MLIP: variants seen among roughly 807,000 people sequenced by gnomAD.
MLIP encodes muscular LMNA interacting protein.
A neutral mutation model predicts 84.8 loss-of-function variants in MLIP; 79 were observed. The ratio of observed to expected loss-of-function variants is 0.93; its 90% confidence interval spans 0.78 to 1.12. MLIP has a LOEUF of 1.12. Among genes scored for constraint, MLIP ranks in the 50% most tolerant of loss-of-function variants. The pLI is 0.00. For synonymous variants in MLIP, 504 were observed against 463.0 expected (o/e 1.09, Z -1.14); for missense variants, 1,257 against 1,160.6 (o/e 1.08, Z -1.21).
At chr6:54,158,945 CT>C (rs1774334179) in intron 5 of MLIP, among the ~76,000 whole-genome samples, 1 of 152,086 alleles carries the variant, frequency 6.6e-6, no homozygotes, top group Non-Finnish European at 1.5e-5. Flanking sequence ...CAGTGTCTTA[CT>C]CTGTTGCCCA....
intron 8 of MLIP, among the ~76,000 whole-genome samples, chr6:54,167,925 G>C (rs776758732): frequency 8.6e-5 from 13 of 151,866 alleles, no homozygotes; most frequent in Non-Finnish European, 1.8e-4. Flanking sequence ...GATATCAAAA[G>C]TTTGGGTTAG....
At chr6:54,064,015 A>ACAAT (rs1766131798) in intron 1 of MLIP, among the ~76,000 whole-genome samples, 3 of 65,162 alleles carry the variant, frequency 4.6e-5, no homozygotes, top group East Asian at 4.4e-4. Flanking sequence ...TTGTTGCTTG[A>ACAAT]GGTTATAGTA....
At chr6:54,237,535 A>G (rs1781446432) in intron 12 of MLIP, among the ~76,000 whole-genome samples, 1 of 152,130 alleles carries the variant, frequency 6.6e-6, no homozygotes, top group African/African-American at 2.4e-5. Context: ...TTTGAAGTCC[A>G]GGCTCCTGCA....
intron 1 of MLIP, among the ~76,000 whole-genome samples, chr6:54,071,790 A>G (rs549723566): frequency 6.6e-6 from 1 of 152,320 alleles, no homozygotes; most frequent in East Asian, 1.9e-4. Context: ...AAATTCATAA[A>G]ATCTATCAGG....
intron 1 of MLIP, among the ~76,000 whole-genome samples, chr6:54,021,297 C>T (rs1418355737): frequency 6.6e-6 from 1 of 151,816 alleles, no homozygotes; most frequent in Non-Finnish European, 1.5e-5. Context: ...AATATTTTTT[C>T]CATTAAAATA....
intron 3 of MLIP, 122 bp from the exon 4 acceptor site, chr6:54,136,593 G>A (rs569470282): frequency 2.3e-4 from 211 of 904,224 alleles, no homozygotes; most frequent in Non-Finnish European, 2.8e-4. Context: ...CTTCATTTTT[G>A]TGGAGGTTTA....
rs115162626 is a variant in MLIP at position 54,026,849 on chromosome 6, A to C, written c.63+7758A>C. Reference sequence around the variant, plus strand: ...ATCTGATTCCAGGAGACTGGTAGGTAATACAGTTAAAGTTGTGCTTGTATG... The same window carrying C: ...ATCTGATTCCAGGAGACTGGTAGGTCATACAGTTAAAGTTGTGCTTGTATG... On this transcript the variant is annotated intron_variant, in intron 1 of 12. Transcript: ENST00000274897. Among the ~76,000 whole-genome samples, 35 of 152,264 alleles carry C rather than the reference A, an allele frequency of 2.3e-4. 1 individual carries two copies. The highest frequency in any genetic ancestry group is 8.2e-4 in the African/African-American group (34 of 41,554).
intron 1 of MLIP, among the ~76,000 whole-genome samples, chr6:54,028,680 C>T (rs1404524027): frequency 2.0e-5 from 3 of 152,170 alleles, no homozygotes; most frequent in Non-Finnish European, 4.4e-5. Flanking sequence ...GCCCAGCAAT[C>T]CTTTGCCTAC....
At chr6:54,134,702 C>T (rs986769793) in intron 3 of MLIP, among the ~76,000 whole-genome samples, 1 of 151,978 alleles carries the variant, frequency 6.6e-6, no homozygotes, top group African/African-American at 2.4e-5. Flanking sequence ...CTAACAGTTA[C>T]AGCTCTATGG....
intron 1 of MLIP, among the ~76,000 whole-genome samples, chr6:54,117,737 G>A (rs896043761): frequency 6.6e-6 from 1 of 151,388 alleles, no homozygotes; most frequent in Non-Finnish European, 1.5e-5. Flanking sequence ...ACGAGATCAG[G>A]AGATCGACAC....
At chr6:54,219,702 G>A (rs1316648179) in intron 11 of MLIP, among the ~76,000 whole-genome samples, 1 of 152,106 alleles carries the variant, frequency 6.6e-6, no homozygotes, top group African/African-American at 2.4e-5. Context: ...TCTAAGCTTT[G>A]CTGATTTATA....
chr6:54,243,010 T>C (rs972189923), intron 12 of MLIP, among the ~76,000 whole-genome samples: 2 of 152,202 alleles, frequency 1.3e-5, no homozygotes, highest in African/African-American at 4.8e-5. Flanking sequence ...GTGCTGGCCA[T>C]GCACTGGAAA....
At chr6:54,130,243 C>A (rs1447984196) in intron 3 of MLIP, among the ~76,000 whole-genome samples, 2 of 152,104 alleles carry the variant, frequency 1.3e-5, no homozygotes, top group East Asian at 1.9e-4. Flanking sequence ...AAGAACATAT[C>A]TGGAAAATCA....
At chr6:54,237,665 G>A (rs1341559343) in intron 12 of MLIP, among the ~76,000 whole-genome samples, 1 of 141,202 alleles carries the variant, frequency 7.1e-6, no homozygotes, top group African/African-American at 2.8e-5. Flanking sequence ...GGACGACATA[G>A]GGAGACTGTC....
chr6:54,092,486 AC>A (rs1767932040), intron 1 of MLIP, among the ~76,000 whole-genome samples: 1 of 152,146 alleles, frequency 6.6e-6, no homozygotes, highest in Non-Finnish European at 1.5e-5. Flanking sequence ...GGCAAGTAGT[AC>A]CGTAAAAGTC....
At chr6:54,238,745 T>C (rs1781527676) in intron 12 of MLIP, among the ~76,000 whole-genome samples, 1 of 152,190 alleles carries the variant, frequency 6.6e-6, no homozygotes, top group Non-Finnish European at 1.5e-5. Flanking sequence ...ATAGGATCTT[T>C]ATAGGCAGAG....
chr6:54,035,625 C>G (rs917803025), intron 1 of MLIP, among the ~76,000 whole-genome samples: 4 of 151,992 alleles, frequency 2.6e-5, no homozygotes, highest in Admixed American at 6.6e-5. Context: ...TCCTCACCAG[C>G]ATTTGGTATT....
Position 54,136,809 on chromosome 6 carries a change from C to G in MLIP, c.740C>G (p.Pro247Arg), listed in dbSNP as rs1319788708. The G allele has an allele frequency of 6.5e-7, 1 of 1,530,004 alleles. No individual in the cohort carries two copies. Among genetic ancestry groups the G allele is most frequent in the South Asian group, 1.2e-5 (1 of 83,978 alleles). The allele number at this position is 1,530,004 out of a possible 1,614,324, so 94.8% of individuals were successfully genotyped here. ...SPTNPNTPPD[P>R]VNLEGASVLE... ...ACTAATCCGAACACACCACCCGACC[C>G]AGTTAACCTCGAGGGAGCCTCTGTC... The change falls in exon 4 of 14, where the codon CCA (proline) becomes CGA (arginine). Residue 247 changes from proline to arginine, a missense_variant. Coordinates refer to ENST00000502396, the MANE Select transcript of MLIP (RefSeq NM_001281747.2).
chr6:54,033,214 C>T (rs1764238139), intron 1 of MLIP, among the ~76,000 whole-genome samples: 1 of 151,864 alleles, frequency 6.6e-6, no homozygotes, highest in South Asian at 2.1e-4. Context: ...GCGATCATCA[C>T]CACGAATCTT....
Sources: gnomAD v4.1 joint callset for allele counts (sites outside exome capture counted in the v4.1 genomes callset) on GRCh38, gnomAD v4.1.1 for gene constraint, MANE v1.5 for transcripts, NCBI Gene and HGNC (gene_info 2026-07-23, HGNC 2026-07-21) for gene names.